Variants in NEDD4 observed in about 807,000 individuals in gnomAD.
NEDD4 encodes NEDD4 E3 ubiquitin protein ligase.
In NEDD4, 99 loss-of-function variants were observed where a neutral mutation model predicts 144.9. The ratio of observed to expected loss-of-function variants is 0.68; its 90% confidence interval spans 0.58 to 0.81. NEDD4 has a LOEUF of 0.81. Ranked by LOEUF, NEDD4 falls within the 30% of genes least tolerant of loss-of-function variation. The probability of loss-of-function intolerance (pLI) is 0.00; values close to 1 mark genes in which losing one functional copy is unlikely to be tolerated. For synonymous variants in NEDD4, 318 were observed against 350.6 expected, an observed-to-expected ratio of 0.91 and a Z score of 1.04; for missense variants, 985 against 1,065.9, an observed-to-expected ratio of 0.92 and a Z score of 1.06.
chr15:55,886,718 A>C (rs1359714836), intron 5 of NEDD4, among the ~76,000 whole-genome samples: 1 of 151,264 alleles, frequency 6.6e-6, no homozygotes, highest in Non-Finnish European at 1.5e-5. Context: ...AGGTCACACC[A>C]CTGCACTCCA....
At chr15:55,858,653 A>G (rs1017068848) in intron 11 of NEDD4, among the ~76,000 whole-genome samples, 1 of 152,204 alleles carries the variant, frequency 6.6e-6, no homozygotes, top group Non-Finnish European at 1.5e-5. Context: ...CCCCTGTGAA[A>G]AAATGAAATG....
At chr15:55,851,050 T>C (rs1387302962) in intron 13 of NEDD4, among the ~76,000 whole-genome samples, 6 of 152,180 alleles carry the variant, frequency 3.9e-5, no homozygotes, top group Non-Finnish European at 8.8e-5. Flanking sequence ...TGTGGGTGCA[T>C]CTGACTGAAG....
At chr15:55,876,952 G>C (rs2035016377) in intron 5 of NEDD4, among the ~76,000 whole-genome samples, 1 of 150,022 alleles carries the variant, frequency 6.7e-6, no homozygotes, top group Non-Finnish European at 1.5e-5. Context: ...CGAGTCTCCT[G>C]CCTTGGTGTT....
intron 4 of NEDD4, among the ~76,000 whole-genome samples, chr15:55,928,792 T>A (rs60852239): frequency 0.019 from 2,926 of 152,314 alleles, 105 homozygotes; most frequent in African/African-American, 0.067. Context: ...TTGGCATATG[T>A]GTGATATCTC....
chr15:55,910,615 C>T (rs16976648), intron 5 of NEDD4, among the ~76,000 whole-genome samples: 21,741 of 150,932 alleles, frequency 0.14, 1,701 homozygotes, highest in East Asian at 0.36. Flanking sequence ...TTTGACTATA[C>T]TCCTGACTCC....
chr15:55,968,674 C>T lies in NEDD4; in HGVS notation c.46-2128G>A, dbSNP rs138484838. Among the ~76,000 whole-genome samples the T allele has an allele frequency of 4.5e-4, 69 of 152,214 alleles. No homozygotes were observed. In the East Asian group the frequency reaches 0.013, roughly 29 times the overall value. On this transcript the variant is annotated intron_variant, in intron 1 of 28. Transcript: ENST00000435532. ...GTCAGCAGAAAGAGTTCTAAATGCACTGTTGGTGGGAGTGTAAATTGATGG... is the reference window on the plus strand; with the variant it reads ...GTCAGCAGAAAGAGTTCTAAATGCATTGTTGGTGGGAGTGTAAATTGATGG...
chr15:55,980,541 G>A (rs1197544519), intron 1 of NEDD4, among the ~76,000 whole-genome samples: 4 of 152,116 alleles, frequency 2.6e-5, no homozygotes, highest in Non-Finnish European at 5.9e-5. Context: ...CTCGTACAGA[G>A]GATGTAAGCC....
intron 5 of NEDD4, among the ~76,000 whole-genome samples, chr15:55,900,960 T>C (rs1311925293): frequency 6.6e-6 from 1 of 152,128 alleles, no homozygotes; most frequent in Non-Finnish European, 1.5e-5. Flanking sequence ...ATAATAGTGG[T>C]TTTTACAAAA....
In NEDD4 at chr15:55,856,152, C is replaced by G; in HGVS notation, c.1005G>C (p.Glu335Asp). The G allele has an allele frequency of 6.2e-7, 1 of 1,613,082 alleles. No individual in the cohort carries two copies. Among genetic ancestry groups the G allele is most frequent in the Non-Finnish European group, 8.5e-7 (1 of 1,179,626 alleles). ...RRGSLQAYTF[E>D]EQPTLPVLLP... ...TCACCACAGGAAGTGTAGGTTGTTC[C>G]TCAAAAGTATAGGCTTGTAAGCTGC... The change falls in exon 12 of 29, where the codon GAG becomes GAC. Residue 335 changes from glutamate to aspartate, a missense_variant. Coordinates refer to ENST00000435532, the MANE Select transcript of NEDD4 (RefSeq NM_006154.4).
chr15:55,949,184 A>G (rs1566965270), intron 4 of NEDD4, among the ~76,000 whole-genome samples: 1 of 152,224 alleles, frequency 6.6e-6, no homozygotes, highest in African/African-American at 2.4e-5. Context: ...TATGCAGCCA[A>G]AAAACACATG....
intron 1 of NEDD4, among the ~76,000 whole-genome samples, chr15:55,983,601 T>C (rs901513595): frequency 2.0e-5 from 3 of 148,464 alleles, no homozygotes; most frequent in Admixed American, 6.8e-5. Flanking sequence ...AATTAATTAA[T>C]TTTTAGATAT....
At chr15:55,921,931 T>C (rs1315300341) in intron 5 of NEDD4, among the ~76,000 whole-genome samples, 1 of 152,220 alleles carries the variant, frequency 6.6e-6, no homozygotes, top group Non-Finnish European at 1.5e-5. Flanking sequence ...AGCACAAATG[T>C]GAGCTGTCCC....
At chr15:55,921,348 G>A (rs569155091) in intron 5 of NEDD4, among the ~76,000 whole-genome samples, 64 of 151,014 alleles carry the variant, frequency 4.2e-4, no homozygotes, top group Non-Finnish European at 8.4e-4. Flanking sequence ...TCGCCGAGAC[G>A]GAGTCTCACT....
At chr15:55,881,794 G>A (rs1394976124) in intron 5 of NEDD4, among the ~76,000 whole-genome samples, 5 of 152,066 alleles carry the variant, frequency 3.3e-5, no homozygotes, top group Non-Finnish European at 5.9e-5. Context: ...AGTAATACAG[G>A]CACAGAACAG....
chr15:55,894,774 A>G (rs1490300763), intron 5 of NEDD4, among the ~76,000 whole-genome samples: 10 of 152,188 alleles, frequency 6.6e-5, no homozygotes, highest in African/African-American at 2.4e-4. Context: ...AATACAAACC[A>G]TTTTTTAATA....
chr15:55,914,424 A>T (rs62043854), intron 5 of NEDD4, among the ~76,000 whole-genome samples: 11,780 of 151,962 alleles, frequency 0.078, 568 homozygotes, highest in Middle Eastern at 0.15. Context: ...AAATTACATA[A>T]AGAACTTTTG....
intron 14 of NEDD4, 125 bp downstream of exon 14, chr15:55,850,417 A>G: frequency 1.2e-6 from 1 of 866,428 alleles, no homozygotes; most frequent in Non-Finnish European, 1.8e-6. Flanking sequence ...TAAGAATTCA[A>G]TATACCTTTC....
intron 1 of NEDD4, among the ~76,000 whole-genome samples, chr15:55,969,218 C>T (rs1406558447): frequency 6.6e-6 from 1 of 152,208 alleles, no homozygotes; most frequent in Non-Finnish European, 1.5e-5. Flanking sequence ...AGTCAGCTTG[C>T]ACCCATGGAG....
intron 5 of NEDD4, among the ~76,000 whole-genome samples, chr15:55,900,895 A>T (rs1365687304): frequency 6.6e-6 from 1 of 152,228 alleles, no homozygotes; most frequent in Non-Finnish European, 1.5e-5. Flanking sequence ...AACATTGATG[A>T]CAGCTAGAAG....
Sources: allele counts gnomAD v4.1 joint callset (sites outside exome capture counted in the v4.1 genomes callset), GRCh38; gene constraint gnomAD v4.1.1; transcripts MANE v1.5; gene names NCBI Gene and HGNC (gene_info 2026-07-23, HGNC 2026-07-21).